The following P2RY14 variants were observed in gnomAD, a reference collection of about 807,000 sequenced individuals.
P2RY14 encodes P2Y purinoceptor 14.
In P2RY14, 2 loss-of-function variants were observed where a neutral mutation model predicts 0.9. The observed-to-expected ratio is 2.16, with a 90% CI of 0.88 to 6.79. P2RY14 has a LOEUF of 6.79. Among genes scored for constraint, P2RY14 ranks in the 30% most tolerant of loss-of-function variants. The pLI, the probability that P2RY14 is intolerant of heterozygous loss-of-function variation, is 0.05. For missense variants in P2RY14, 378 were observed against 400.1 expected (o/e 0.94, Z 0.47); for synonymous variants, 158 against 147.2 (o/e 1.07, Z -0.53).
At chr3:151,252,370 A>G (rs4680275) in intron 1 of P2RY14, among the ~76,000 whole-genome samples, 119,358 of 152,032 alleles carry the variant, frequency 0.79, 47,166 homozygotes, top group South Asian at 0.88. Flanking sequence ...CATCGCTAAG[A>G]TCTGATTTTT....
At chr3:151,249,329 G>A (rs542022986) in intron 1 of P2RY14, among the ~76,000 whole-genome samples, 62 of 152,274 alleles carry the variant, frequency 4.1e-4, no homozygotes, top group African/African-American at 1.5e-3. Context: ...GTATTTTTAA[G>A]TTGTAATTCA....
At chr3:151,252,301 G>C (rs973840485) in intron 1 of P2RY14, among the ~76,000 whole-genome samples, 3 of 152,086 alleles carry the variant, frequency 2.0e-5, no homozygotes, top group Non-Finnish European at 4.4e-5. Context: ...TTTATACCTT[G>C]TGTTCCATTA....
intron 1 of P2RY14, among the ~76,000 whole-genome samples, chr3:151,230,509 G>C (rs766437877): frequency 6.6e-6 from 1 of 150,842 alleles, no homozygotes; most frequent in Non-Finnish European, 1.5e-5. Context: ...ACTACACTTT[G>C]ATGCTCATTG....
chr3:151,222,116 C>T (rs956343773), intron 1 of P2RY14, among the ~76,000 whole-genome samples: 6 of 152,120 alleles, frequency 3.9e-5, no homozygotes, highest in African/African-American at 1.4e-4. Flanking sequence ...GGCCTGTAGC[C>T]CCTTTGTTTC....
At chr3:151,262,273 C>G (rs1404096129) in intron 1 of P2RY14, among the ~76,000 whole-genome samples, 1 of 152,212 alleles carries the variant, frequency 6.6e-6, no homozygotes, top group Non-Finnish European at 1.5e-5. Context: ...TTTTAAGTCA[C>G]ACTAGTGATA....
chr3:151,217,455 A>G (rs1270118696), intron 2 of P2RY14, among the ~76,000 whole-genome samples: 1 of 152,218 alleles, frequency 6.6e-6, no homozygotes, highest in Non-Finnish European at 1.5e-5. Context: ...TTTGAGTTGG[A>G]TGGAAGGGAC....
intron 1 of P2RY14, among the ~76,000 whole-genome samples, chr3:151,276,195 A>G (rs908101358): frequency 6.6e-5 from 10 of 152,244 alleles, no homozygotes; most frequent in African/African-American, 1.9e-4. Flanking sequence ...AGGGCTTGTT[A>G]AAAGAGATTG....
At chr3:151,269,796 CA>C in intron 1 of P2RY14, 1 of 417,558 alleles carries the variant, frequency 2.4e-6, no homozygotes, top group African/African-American at 2.1e-5. Context: ...AAGTCAAATG[CA>C]AATCTGGAAA....
At chr3:151,257,264 T>A (rs942353645) in intron 1 of P2RY14, among the ~76,000 whole-genome samples, 3 of 152,250 alleles carry the variant, frequency 2.0e-5, no homozygotes, top group African/African-American at 7.2e-5. Context: ...CCAGTTGGCA[T>A]GTTGTAGTTT....
intron 1 of P2RY14, among the ~76,000 whole-genome samples, chr3:151,252,003 A>G (rs573830540): frequency 6.6e-6 from 1 of 152,220 alleles, no homozygotes; most frequent in Admixed American, 6.5e-5. Flanking sequence ...ATAACTGTGT[A>G]ATTTGTCTGA....
In P2RY14 at chr3:151,247,477, T is replaced by C. The variant is rs933173783; in HGVS notation, c.-132-27835A>G. Among the ~76,000 whole-genome samples the C allele has an allele frequency of 3.8e-4, 57 of 151,346 alleles. 1 individual carries two copies. The highest frequency in any genetic ancestry group is 1.2e-3 in the African/African-American group (49 of 41,266). ...GTCCTTTGTAGGGACATGGATGAAA[T>C]TGGAAATCATCATTCTCAGTAAACT... is the stretch of plus-strand genomic sequence containing the variant. On this transcript the variant is annotated intron_variant, in intron 1 of 2. Coordinates refer to ENST00000309170, the MANE Select transcript of P2RY14 (RefSeq NM_014879.4).
chr3:151,254,390 C>G (rs1260721990), intron 1 of P2RY14, among the ~76,000 whole-genome samples: 1 of 152,138 alleles, frequency 6.6e-6, no homozygotes, highest in African/African-American at 2.4e-5. Flanking sequence ...ATTGCAACTC[C>G]CTAATTTCAT....
intron 1 of P2RY14, among the ~76,000 whole-genome samples, chr3:151,239,097 G>C (rs1250269864): frequency 1.3e-5 from 2 of 152,060 alleles, no homozygotes; most frequent in African/African-American, 2.4e-5. Context: ...TGTGAGGAGG[G>C]GCAATATTAA....
chr3:151,267,417 G>C (rs1040100363), intron 1 of P2RY14, among the ~76,000 whole-genome samples: 2 of 152,084 alleles, frequency 1.3e-5, no homozygotes, highest in African/African-American at 4.8e-5. Flanking sequence ...CAATATCAAG[G>C]TTATATGTTA....
chr3:151,213,587 CA>C lies in P2RY14; in HGVS notation c.729del (p.Phe243LeufsTer34), dbSNP rs766777039. On this transcript the variant is annotated frameshift_variant, in exon 3 of 3. Coordinates refer to ENST00000309170, the MANE Select transcript of P2RY14 (RefSeq NM_014879.4). LOFTEE classifies it high-confidence loss of function. ...RNIFSIVFVF[F>X]VCFVPYHIAR... ...GCAATATGGTAAGGTACAAAACAGA[CA>C]AAAAACACAAACACGATGCTGAATA... 6.2e-7 allele frequency: 1 copy of C among 1,614,088 alleles called. No individual in the cohort carries two copies. Among genetic ancestry groups the C allele is most frequent in the Non-Finnish European group, 8.5e-7 (1 of 1,180,022 alleles).
At chr3:151,268,072 A>G (rs752121709) in intron 1 of P2RY14, among the ~76,000 whole-genome samples, 10 of 152,310 alleles carry the variant, frequency 6.6e-5, no homozygotes, top group African/African-American at 2.4e-4. Context: ...CTGTTTTAAT[A>G]TGCATCGGTG....
At chr3:151,247,405 C>T (rs945004699) in intron 1 of P2RY14, among the ~76,000 whole-genome samples, 133 of 152,116 alleles carry the variant, frequency 8.7e-4, no homozygotes, top group African/African-American at 2.8e-3. Flanking sequence ...AAATGTGGCA[C>T]ATGTACACCA....
chr3:151,254,330 A>G (rs1384645666), intron 1 of P2RY14, among the ~76,000 whole-genome samples: 1 of 152,088 alleles, frequency 6.6e-6, no homozygotes, highest in Non-Finnish European at 1.5e-5. Context: ...ACGTAACTAG[A>G]GCTATATGAG....
At chr3:151,241,837 A>C (rs1181363725) in intron 1 of P2RY14, 1 of 154,692 alleles carries the variant, frequency 6.5e-6, no homozygotes, top group Non-Finnish European at 1.4e-5. Flanking sequence ...TGAGCGACGC[A>C]GAAGACGGTG....
Sources: gnomAD v4.1 joint callset for allele counts (sites outside exome capture counted in the v4.1 genomes callset) on GRCh38, gnomAD v4.1.1 for gene constraint, MANE v1.5 for transcripts, NCBI Gene and HGNC (gene_info 2026-07-23, HGNC 2026-07-21) for gene names.